CFAP92: variants seen among roughly 807,000 people sequenced by gnomAD.
The protein encoded by CFAP92 is cilia and flagella associated protein 92 (putative).
Under a neutral mutation model 106.3 loss-of-function variants are expected in CFAP92, and 86 were observed. That is an observed-to-expected ratio of 0.81 (90% CI 0.68 to 0.97). The LOEUF (loss-of-function observed/expected upper bound fraction) is 0.97. Among genes scored for constraint, CFAP92 ranks in the 50% least tolerant of loss-of-function variants. The pLI is 0.00. For missense variants in CFAP92, 1,204 were observed against 1,283.8 expected, an observed-to-expected ratio of 0.94 and a Z score of 0.95; for synonymous variants, 477 against 506.4, an observed-to-expected ratio of 0.94 and a Z score of 0.78.
intron 7 of CFAP92, among the ~76,000 whole-genome samples, chr3:128,973,245 AGT>A (rs574067677): frequency 7.4e-4 from 113 of 152,346 alleles, no homozygotes; most frequent in African/African-American, 2.6e-3. Flanking sequence ...ATCACAGAAG[AGT>A]GTGACCAAAT....
chr3:128,952,813 C>T (rs903633018), intron 9 of CFAP92, among the ~76,000 whole-genome samples: 1 of 152,002 alleles, frequency 6.6e-6, no homozygotes, highest in Non-Finnish European at 1.5e-5. Context: ...AGGCCGGGTG[C>T]GGTGGCTCAC....
intron 9 of CFAP92, among the ~76,000 whole-genome samples, chr3:128,952,452 A>T (rs535130795): frequency 6.6e-6 from 1 of 152,330 alleles, no homozygotes; most frequent in African/African-American, 2.4e-5. Flanking sequence ...TAGAATTTTT[A>T]AAAAATCACC....
intron 7 of CFAP92, among the ~76,000 whole-genome samples, chr3:128,973,531 C>T (rs1366830362): frequency 6.6e-6 from 1 of 152,088 alleles, no homozygotes; most frequent in East Asian, 1.9e-4. Context: ...TAGCACATGC[C>T]TGTAACCCCA....
the CFAP92 span, among the ~76,000 whole-genome samples, chr3:129,011,934 G>T: frequency 1.3e-5 from 2 of 152,186 alleles, no homozygotes; most frequent in South Asian, 2.1e-4. Flanking sequence ...ATGGTAATCT[G>T]CCCAGGCTCA....
intron 11 of CFAP92, among the ~76,000 whole-genome samples, chr3:128,933,583 G>T (rs1348975422): frequency 6.6e-6 from 1 of 152,226 alleles, no homozygotes; most frequent in African/African-American, 2.4e-5. Flanking sequence ...TGCGGTAGGT[G>T]CCTGCCTTTG....
At chr3:129,014,283 A>C in the CFAP92 span, among the ~76,000 whole-genome samples, 1 of 152,192 alleles carries the variant, frequency 6.6e-6, no homozygotes, top group Non-Finnish European at 1.5e-5. The surrounding 1 kb of genome is among the most constrained non-coding windows in gnomAD (Gnocchi z 4.3). Flanking sequence ...AGGGTCAGGG[A>C]GTGTGAGTCA....
intron 9 of CFAP92, among the ~76,000 whole-genome samples, chr3:128,962,417 TG>T (rs1942004661): frequency 6.6e-6 from 1 of 152,122 alleles, no homozygotes; most frequent in African/African-American, 2.4e-5. Flanking sequence ...TACTCTTTTA[TG>T]CACTCTTTTT....
chr3:128,953,446 C>G (rs979215718), intron 9 of CFAP92, among the ~76,000 whole-genome samples: 2 of 152,184 alleles, frequency 1.3e-5, no homozygotes, highest in African/African-American at 4.8e-5. Flanking sequence ...ACCCAGGAGG[C>G]GGAGCTTGCA....
At chr3:129,023,406 G>A in the CFAP92 span, among the ~76,000 whole-genome samples, 1 of 151,092 alleles carries the variant, frequency 6.6e-6, no homozygotes, top group African/African-American at 2.4e-5. Flanking sequence ...TTGGCTCACT[G>A]CAAGCTCTGC....
At chr3:129,012,883 T>C in the CFAP92 span, among the ~76,000 whole-genome samples, 10 of 152,090 alleles carry the variant, frequency 6.6e-5, no homozygotes, top group African/African-American at 2.2e-4. Context: ...GCATTGGGCA[T>C]TTTTTTATGT....
intron 10 of CFAP92, among the ~76,000 whole-genome samples, chr3:128,943,015 G>T (rs1939813292): frequency 6.7e-6 from 1 of 150,320 alleles, no homozygotes; most frequent in Non-Finnish European, 1.5e-5. Flanking sequence ...CACCTCCTGG[G>T]TTCAAGCGAT....
At chr3:128,930,522 A>AGGTG (rs59525794) in intron 12 of CFAP92, among the ~76,000 whole-genome samples, 65,119 of 151,210 alleles carry the variant, frequency 0.43, 16,466 homozygotes, top group African/African-American at 0.7. Context: ...TGGGAGGCTG[A>AGGTG]GGTGGATCAC....
chr3:128,937,849 G>A (rs967067724), intron 10 of CFAP92, among the ~76,000 whole-genome samples: 4 of 152,096 alleles, frequency 2.6e-5, no homozygotes, highest in South Asian at 2.1e-4. Context: ...GATCACCTGA[G>A]GTCAGGAGTT....
chr3:129,009,919 G>C, the CFAP92 span, among the ~76,000 whole-genome samples: 1 of 152,202 alleles, frequency 6.6e-6, no homozygotes, highest in East Asian at 1.9e-4. Flanking sequence ...GGGCTCACTG[G>C]GGAGGGTGGA....
At chr3:128,911,926 C>T (rs1288513449) in intron 15 of CFAP92, among the ~76,000 whole-genome samples, 2 of 152,222 alleles carry the variant, frequency 1.3e-5, no homozygotes, top group African/African-American at 2.4e-5. Flanking sequence ...GCTCGTGCTC[C>T]CCGCTCTGTC....
chr3:128,951,406 G>A lies in CFAP92; in HGVS notation c.1354-5431C>T, dbSNP rs566213163. Among the ~76,000 whole-genome samples the A allele has an allele frequency of 3.3e-5, 5 of 152,240 alleles. No homozygotes were observed. In the East Asian group the frequency reaches 7.7e-4, roughly 23 times the overall value. ...TGGCCCACTGAATCCCCAGCTTCAC[G>A]GGTAAAAATACACTTACAGAGTTCC... On this transcript the variant is annotated intron_variant, in intron 9 of 15. Transcript: ENST00000645291.
intron 10 of CFAP92, among the ~76,000 whole-genome samples, chr3:128,939,041 A>G (rs994491673): frequency 6.6e-6 from 1 of 152,214 alleles, no homozygotes; most frequent in Non-Finnish European, 1.5e-5. Context: ...GCCAGGGGTT[A>G]AGGATGTCTG....
upstream of CFAP92, among the ~76,000 whole-genome samples, chr3:128,995,105 G>A (rs1285769751): frequency 1.3e-5 from 2 of 152,184 alleles, no homozygotes; most frequent in Admixed American, 1.3e-4. Flanking sequence ...AAGAGAATGG[G>A]AGCTGAGGCT....
chr3:128,963,544 C>T (rs1313743813), intron 9 of CFAP92, among the ~76,000 whole-genome samples: 2 of 151,984 alleles, frequency 1.3e-5, no homozygotes, highest in African/African-American at 2.4e-5. Context: ...TCAATCTGGC[C>T]TCCCACATTA....
Sources: gnomAD v4.1 joint callset for allele counts (sites outside exome capture counted in the v4.1 genomes callset) on GRCh38, gnomAD v4.1.1 for gene constraint, Gnocchi (gnomAD v3.1) non-coding constraint, MANE v1.5 for transcripts, NCBI Gene and HGNC (gene_info 2026-07-23, HGNC 2026-07-21) for gene names.